Variants in DAGLB observed in about 807,000 individuals in gnomAD.
DAGLB encodes diacylglycerol lipase beta, also known as diacylglycerol lipase-beta.
DAGLB carries 66 observed loss-of-function variants against 72.1 expected under a neutral mutation model. The ratio of observed to expected loss-of-function variants is 0.92; its 90% CI spans 0.75 to 1.12. The LOEUF (loss-of-function observed/expected upper bound fraction) is 1.12, where lower values mean the gene tolerates loss of function less well. Among genes scored for constraint, DAGLB ranks in the 50% most tolerant of loss-of-function variants. The probability of loss-of-function intolerance (pLI) is 0.00; values close to 1 mark genes in which losing one functional copy is unlikely to be tolerated. For synonymous variants in DAGLB, 414 were observed against 359.5 expected (o/e 1.15, Z -1.71); for missense variants, 1,065 against 884.9 (o/e 1.20, Z -2.58).
chr7:6,437,132 T>C (rs1220379214), intron 2 of DAGLB, among the ~76,000 whole-genome samples: 2 of 145,932 alleles, frequency 1.4e-5, no homozygotes, highest in Non-Finnish European at 3.0e-5. Flanking sequence ...CTAGTCTGGG[T>C]GACAGAGCAA....
At position 6,409,768 on chromosome 7, in the gene DAGLB, G is replaced by A. The variant is rs781332327; in HGVS notation, c.*69C>T. 21 of 1,535,780 alleles carry A rather than the reference G, an allele frequency of 1.4e-5. No individual in the cohort carries two copies. The highest frequency in any genetic ancestry group is 1.7e-4 in the Middle Eastern group (1 of 5,788). ...TGTTTTGGCGTCATGGGAACTCCTC[G>A]GATGGTAAGTCAGTTTAAGGACAAA... is the stretch of plus-strand genomic sequence containing the variant. On this transcript the variant is annotated 3_prime_UTR_variant, in exon 15 of 15. Transcript: ENST00000297056.
At chr7:6,416,101 C>T (rs1193834235) in intron 11 of DAGLB, among the ~76,000 whole-genome samples, 10 of 152,186 alleles carry the variant, frequency 6.6e-5, no homozygotes, top group Admixed American at 3.3e-4. Context: ...ATCTGCTGCT[C>T]AGTTTTGCTG....
At position 6,430,574 on chromosome 7, in the gene DAGLB, G is replaced by T; in HGVS notation, c.835C>A (p.His279Asn). ...ADLDAELENC[H>N]HYMQFAAAAY... ...GCTGCTGCAAACTGCATGTAATGATGGCAGTTTTCTAATTCTGCATCCAGA... is the reference window on the plus strand; with the variant it reads ...GCTGCTGCAAACTGCATGTAATGATTGCAGTTTTCTAATTCTGCATCCAGA... Residue 279 changes from histidine to asparagine, a missense_variant, in exon 6 of 15, where the codon CAT becomes AAT. His to Asn is a moderately conservative substitution (Grantham distance 68). Coordinates refer to ENST00000297056, the MANE Select transcript of DAGLB (RefSeq NM_139179.4). The T allele has an allele frequency of 1.2e-6, 2 of 1,603,398 alleles. No homozygotes were observed. Among genetic ancestry groups the T allele is most frequent in the Non-Finnish European group, 1.7e-6 (2 of 1,173,174 alleles).
intron 7 of DAGLB, 72 bp from the exon 8 acceptor site, chr7:6,424,907 G>T: frequency 6.8e-7 from 1 of 1,473,952 alleles, no homozygotes; most frequent in Non-Finnish European, 9.5e-7. Context: ...TCGGAGCCCT[G>T]CAGTGTCTGC....
intron 8 of DAGLB, among the ~76,000 whole-genome samples, chr7:6,424,516 G>C (rs12539027): frequency 0.1 from 15,210 of 152,098 alleles, 931 homozygotes; most frequent in East Asian, 0.23. Context: ...CTCCTGTGGC[G>C]GGGGGGCCAA....
rs764484465 is a variant in DAGLB, at chr7:6,447,736, C to T, written c.95+12G>A. ...CGGTGGGCTCCACCGCCCCCGTAGC[C>T]GCCGTCCTTACCACAGCACTCGCAC... On this transcript the variant is annotated intron_variant, in intron 1 of 14. Transcript: ENST00000297056. 30 of 1,610,424 alleles carry T rather than the reference C, an allele frequency of 1.9e-5. No individual in the cohort carries two copies. The Admixed American group carries it at 4.0e-4, about 22-fold the overall frequency.
intron 4 of DAGLB, 104 bp from the exon 5 acceptor site, chr7:6,433,063 A>T: frequency 6.9e-7 from 1 of 1,452,440 alleles, no homozygotes; most frequent in Non-Finnish European, 9.1e-7. Context: ...ACGCACACAC[A>T]GACATTTCTA....
chr7:6,436,678 A>G (rs1245476644), intron 2 of DAGLB, 145 bp from the exon 3 acceptor site: 5 of 945,756 alleles, frequency 5.3e-6, no homozygotes, highest in Non-Finnish European at 7.9e-6. Context: ...ATTGGTAATC[A>G]GCACCTAAGT....
intron 4 of DAGLB, among the ~76,000 whole-genome samples, chr7:6,433,588 C>A (rs1784560296): frequency 2.6e-5 from 4 of 152,150 alleles, no homozygotes. Flanking sequence ...GCCTGTAATC[C>A]CAGCACTTTG....
chr7:6,446,845 C>CA (rs909594471), intron 1 of DAGLB, among the ~76,000 whole-genome samples: 21 of 152,070 alleles, frequency 1.4e-4, no homozygotes, highest in Non-Finnish European at 2.9e-5. Context: ...TCCATCTCTA[C>CA]AAAAAATAGA....
Position 6,446,312 on chromosome 7 carries a change from CAAA to C in DAGLB, c.96-211_96-209del, listed in dbSNP as rs11315985. Among the ~76,000 whole-genome samples, 277 of 123,382 alleles carry C rather than the reference CAAA, an allele frequency of 2.2e-3. 2 individuals are homozygous for C. The highest frequency in any genetic ancestry group is 7.9e-3 in the African/African-American group (259 of 32,772). 80.9% of individuals were successfully genotyped at this position (123,382 alleles called of 152,430 possible). On this transcript the variant is annotated intron_variant, in intron 1 of 14. Transcript: ENST00000297056. ...TGAAACCCTGTCTCTACGAAAAATA[CAAA>C]AAAAAAAAAAAAAATAGCTGGGCGT... is the stretch of plus-strand genomic sequence containing the variant.
chr7:6,420,668 G>C lies in DAGLB; in HGVS notation c.1218+1059C>G, dbSNP rs1784084634. 2.0e-5 allele frequency among the ~76,000 whole-genome samples: 3 copies of C among 152,214 alleles called. No homozygotes were observed. The South Asian group carries it at 6.2e-4, about 32-fold the overall frequency. On this transcript the variant is annotated intron_variant, in intron 9 of 14. Transcript: ENST00000297056. ...GCACTGTGAACGCACTGGATGCCCG[G>C]AACTATACACTAACGACCAACGAAC...
At chr7:6,447,604 G>A (rs545609322) in intron 1 of DAGLB, 144 bp downstream of exon 1, 325 of 1,187,430 alleles carry the variant, frequency 2.7e-4, no homozygotes, top group Non-Finnish European at 3.1e-4. Flanking sequence ...TCGGGCAGTG[G>A]TGAGAACTCG....
At chr7:6,420,656 A>G (rs921787324) in intron 9 of DAGLB, among the ~76,000 whole-genome samples, 1 of 152,136 alleles carries the variant, frequency 6.6e-6, no homozygotes, top group African/African-American at 2.4e-5. Flanking sequence ...CTGTGAACGC[A>G]CTGGATGCCC....
In DAGLB at chr7:6,409,797, G is replaced by GTT; in HGVS notation, c.*39_*40insAA. ...GGTAAGTCAGTTTAAGGACAAAAGC[G>GTT]TGAGTCCATCGTTCCTGGGACAGTT... On this transcript the variant is annotated 3_prime_UTR_variant, in exon 15 of 15. Transcript: ENST00000297056. 1 of 1,596,434 alleles carries GTT rather than the reference G, an allele frequency of 6.3e-7. No homozygotes were observed. Among genetic ancestry groups the GTT allele is most frequent in the South Asian group, 1.1e-5 (1 of 89,748 alleles).
intron 2 of DAGLB, among the ~76,000 whole-genome samples, chr7:6,437,490 G>A (rs1179701397): frequency 6.6e-6 from 1 of 151,218 alleles, no homozygotes; most frequent in Non-Finnish European, 1.5e-5. Context: ...GGAGTGTGGT[G>A]GCACAATCAT....
intron 11 of DAGLB, among the ~76,000 whole-genome samples, chr7:6,415,238 A>G (rs1222884190): frequency 1.3e-5 from 2 of 151,922 alleles, no homozygotes; most frequent in African/African-American, 4.8e-5. Context: ...CTGCCTCTGT[A>G]GACTGCTAGG....
At chr7:6,443,973 T>C (rs145524064) in intron 2 of DAGLB, among the ~76,000 whole-genome samples, 6 of 152,066 alleles carry the variant, frequency 3.9e-5, no homozygotes, top group Admixed American at 3.3e-4. Context: ...ATAAAAAATA[T>C]GAAGAATAGG....
At position 6,436,377 on chromosome 7, in the gene DAGLB, G is replaced by C; in HGVS notation, c.404C>G (p.Ala135Gly). The C allele has an allele frequency of 6.2e-7, 1 of 1,609,272 alleles. No homozygotes were observed. Among genetic ancestry groups the C allele is most frequent in the Admixed American group, 1.7e-5 (1 of 58,024 alleles). The change falls in exon 3 of 15, where the codon GCA (alanine) becomes GGA (glycine). Residue 135 changes from alanine (A) to glycine (G), a missense_variant. Physicochemically the swap from Ala to Gly is moderately conservative, Grantham distance 60 (BLOSUM62 0). Coordinates refer to ENST00000297056, the MANE Select transcript of DAGLB (RefSeq NM_139179.4). ...CDRTVVNGII[A>G]TVVVSWIIIA... ...GAGATGTCACCTGACCACGACGGTT[G>C]CGATGATGCCGTTTACAACTGTCCT...
Sources: gnomAD v4.1 joint callset for allele counts (sites outside exome capture counted in the v4.1 genomes callset) on GRCh38, gnomAD v4.1.1 for gene constraint, MANE v1.5 for transcripts, NCBI Gene and HGNC (gene_info 2026-07-23, HGNC 2026-07-21) for gene names.